SETBP1: variants seen among roughly 807,000 people sequenced by gnomAD.
SETBP1 encodes the protein SET-binding protein.
A neutral mutation model predicts 101.0 loss-of-function variants in SETBP1; 9 were observed. That is an observed-to-expected ratio of 0.09 (90% CI 0.05 to 0.16). The LOEUF is 0.16. Ranked by LOEUF, SETBP1 falls within the 10% of genes least tolerant of loss-of-function variation. SETBP1 has a pLI of 1.00. For synonymous variants in SETBP1, 818 were observed against 788.5 expected (o/e 1.04, Z -0.63); for missense variants, 1,858 against 2,033.8 (o/e 0.91, Z 1.66).
At chr18:44,859,878 C>T (rs962836838) in intron 2 of SETBP1, among the ~76,000 whole-genome samples, 3 of 152,216 alleles carry the variant, frequency 2.0e-5, no homozygotes, top group African/African-American at 7.2e-5. Context: ...TTATCCCTTT[C>T]GGATGCCCAC....
At chr18:44,734,374 G>T (rs1174652336) in intron 2 of SETBP1, among the ~76,000 whole-genome samples, 1 of 152,158 alleles carries the variant, frequency 6.6e-6, no homozygotes, top group African/African-American at 2.4e-5. Context: ...TGCTATTCCA[G>T]CTCTCCTGTA....
At chr18:44,712,568 T>C (rs911865940) in intron 2 of SETBP1, among the ~76,000 whole-genome samples, 6 of 152,166 alleles carry the variant, frequency 3.9e-5, no homozygotes, top group Non-Finnish European at 8.8e-5. Context: ...ATTCTTATCC[T>C]TTGGGGGCAG....
intron 4 of SETBP1, among the ~76,000 whole-genome samples, chr18:45,002,488 G>A (rs1380942665): frequency 2.0e-5 from 3 of 151,990 alleles, no homozygotes; most frequent in Non-Finnish European, 4.4e-5. Context: ...TTAATTTGGT[G>A]GTATTAATGG....
intron 2 of SETBP1, among the ~76,000 whole-genome samples, chr18:44,803,198 A>G (rs2071644949): frequency 6.6e-6 from 1 of 152,182 alleles, no homozygotes; most frequent in Non-Finnish European, 1.5e-5. Context: ...TCTGTTATAT[A>G]GCAGGCCATT....
chr18:44,720,000 A>G (rs1568107966), intron 2 of SETBP1, among the ~76,000 whole-genome samples: 1 of 152,196 alleles, frequency 6.6e-6, no homozygotes, highest in Non-Finnish European at 1.5e-5. Flanking sequence ...TTCTGTCCTC[A>G]TGATTCTCTG....
intron 3 of SETBP1, among the ~76,000 whole-genome samples, chr18:44,932,110 C>T (rs1296125873): frequency 1.3e-5 from 2 of 152,200 alleles, no homozygotes; most frequent in Admixed American, 1.3e-4. Context: ...GTGCTTCCTT[C>T]AGGAGCTCCT....
intron 2 of SETBP1, among the ~76,000 whole-genome samples, chr18:44,760,345 A>G (rs2070610695): frequency 6.6e-6 from 1 of 152,180 alleles, no homozygotes; most frequent in African/African-American, 2.4e-5. Context: ...CTGTACTTGA[A>G]GATGCTCAGC....
intron 3 of SETBP1, among the ~76,000 whole-genome samples, chr18:44,885,842 T>A (rs866015978): frequency 4.7e-4 from 21 of 45,144 alleles, no homozygotes; most frequent in Middle Eastern, 0.012. Context: ...CCCATTTCAT[T>A]AAAAAAAAAA....
intron 3 of SETBP1, among the ~76,000 whole-genome samples, chr18:44,925,011 T>TTTG (rs2070669687): frequency 8.8e-6 from 1 of 113,994 alleles, no homozygotes; most frequent in Non-Finnish European, 1.8e-5. Flanking sequence ...GTGTGAGTTT[T>TTTG]TTTTTTTTTT....
chr18:44,823,793 T>C (rs985091844), intron 2 of SETBP1, among the ~76,000 whole-genome samples: 3 of 152,200 alleles, frequency 2.0e-5, no homozygotes, highest in Non-Finnish European at 4.4e-5. Context: ...GATTCACAAA[T>C]AAGAAATGAT....
At chr18:44,879,696 G>A (rs1381162722) in intron 3 of SETBP1, among the ~76,000 whole-genome samples, 1 of 152,164 alleles carries the variant, frequency 6.6e-6, no homozygotes, top group Non-Finnish European at 1.5e-5. Context: ...AATGAGCAGT[G>A]ATAAACACTG....
chr18:45,039,572 G>T (rs987329564), intron 5 of SETBP1, among the ~76,000 whole-genome samples: 1 of 152,134 alleles, frequency 6.6e-6, no homozygotes, highest in African/African-American at 2.4e-5. Context: ...TACCTCAGAG[G>T]CAGAGTCAAC....
chr18:44,712,626 A>G (rs778985914), intron 2 of SETBP1, among the ~76,000 whole-genome samples: 4 of 152,108 alleles, frequency 2.6e-5, no homozygotes, highest in Admixed American at 6.6e-5. Flanking sequence ...TTCCTGTGTC[A>G]TCAGGTTCCT....
At chr18:44,717,164 G>A (rs373384923) in intron 2 of SETBP1, among the ~76,000 whole-genome samples, 8 of 152,304 alleles carry the variant, frequency 5.3e-5, no homozygotes, top group South Asian at 4.1e-4. Flanking sequence ...GGCAGCCACC[G>A]TGGCTCCTCA....
chr18:44,794,586 T>A (rs1478994553), intron 2 of SETBP1, among the ~76,000 whole-genome samples: 1 of 152,010 alleles, frequency 6.6e-6, no homozygotes, highest in African/African-American at 2.4e-5. Context: ...GATTTTGAAG[T>A]TTGGATGAGG....
At chr18:44,809,570 G>A (rs1247713780) in intron 2 of SETBP1, among the ~76,000 whole-genome samples, 8 of 152,140 alleles carry the variant, frequency 5.3e-5, no homozygotes, top group Admixed American at 4.6e-4. Flanking sequence ...ATGGCCTTTA[G>A]TATTTTTCTG....
At chr18:44,884,895 T>C (rs756915996) in intron 3 of SETBP1, among the ~76,000 whole-genome samples, 1 of 152,208 alleles carries the variant, frequency 6.6e-6, no homozygotes, top group Non-Finnish European at 1.5e-5. Flanking sequence ...CATCTCTTAT[T>C]ACATATGTCT....
intron 4 of SETBP1, among the ~76,000 whole-genome samples, chr18:45,014,029 GA>G (rs34718298): frequency 0.39 from 58,260 of 149,814 alleles, 11,647 homozygotes; most frequent in East Asian, 0.53. Context: ...ATGTTCGGCA[GA>G]AAAAAAAAAA....
intron 4 of SETBP1, among the ~76,000 whole-genome samples, chr18:44,992,443 A>G (rs1838648750): frequency 6.6e-6 from 1 of 152,050 alleles, no homozygotes; most frequent in South Asian, 2.1e-4. Context: ...TATGGCAATA[A>G]TAGTTGAGGA....
Sources: allele counts gnomAD v4.1 joint callset (sites outside exome capture counted in the v4.1 genomes callset), GRCh38; gene constraint gnomAD v4.1.1; transcripts MANE v1.5; gene names NCBI Gene and HGNC (gene_info 2026-07-23, HGNC 2026-07-21).